The following RAB27A variants were observed in gnomAD, a reference collection of about 807,000 sequenced individuals.
The protein encoded by RAB27A is ras-related protein Rab-27A.
RAB27A carries 17 observed loss-of-function variants against 20.8 expected under a neutral mutation model. That is an observed-to-expected ratio of 0.82 (90% CI 0.56 to 1.23). The LOEUF (loss-of-function observed/expected upper bound fraction) is 1.23. Ranked by LOEUF, RAB27A falls within the 50% of genes most tolerant of loss-of-function variation. The pLI, the probability that RAB27A is intolerant of heterozygous loss-of-function variation, is 0.00. For missense variants in RAB27A, 277 were observed against 266.7 expected (o/e 1.04, Z -0.27); for synonymous variants, 85 against 92.8 (o/e 0.92, Z 0.48).
chr15:55,245,831 CG>C lies in RAB27A; in HGVS notation c.-22-10876del, dbSNP rs368962970. Among the ~76,000 whole-genome samples the C allele has an allele frequency of 7.9e-5, 12 of 152,158 alleles. No individual in the cohort carries two copies. In the East Asian group the frequency reaches 1.5e-3, roughly 20 times the overall value. On this transcript the variant is annotated intron_variant, in intron 2 of 6. Transcript: ENST00000336787. ...TTGAATTAAATATACATTTCTGGGC[CG>C]GGCATGGTGGCTCATGCCAGTAACT... is the stretch of plus-strand genomic sequence containing the variant.
intron 6 of RAB27A, among the ~76,000 whole-genome samples, chr15:55,219,915 A>C (rs1895483775): frequency 6.6e-6 from 1 of 152,202 alleles, no homozygotes; most frequent in African/African-American, 2.4e-5. Flanking sequence ...TAAGAGCTTC[A>C]TATTACAATT....
At chr15:55,318,447 G>A (rs1566944224) in intron 1 of RAB27A, among the ~76,000 whole-genome samples, 2 of 148,712 alleles carry the variant, frequency 1.3e-5, no homozygotes. Flanking sequence ...GCTCACGCCT[G>A]TAATCCCAAC....
chr15:55,223,903 G>A lies in RAB27A; in HGVS notation c.453C>T (p.Leu151=), dbSNP rs753732362. ...RVVKEEEAIA[L]AEKYGIPYFE... ...AAAATACTCACCCATATTTCTCTGCGAGTGCTATGGCTTCCTCCTCTTTCA... is the reference window on the plus strand; with the variant it reads ...AAAATACTCACCCATATTTCTCTGCAAGTGCTATGGCTTCCTCCTCTTTCA... Residue 151 remains leucine (L), a synonymous_variant, in exon 6 of 7, where the codon CTC becomes CTT. Coordinates refer to ENST00000336787, the MANE Select transcript of RAB27A (RefSeq NM_183235.3). The A allele has an allele frequency of 3.8e-5, 62 of 1,613,516 alleles. No individual in the cohort carries two copies. Among genetic ancestry groups the A allele is most frequent in the Non-Finnish European group, 4.8e-5 (57 of 1,179,892 alleles).
At chr15:55,264,324 T>G (rs1207036695) in intron 2 of RAB27A, among the ~76,000 whole-genome samples, 2 of 152,240 alleles carry the variant, frequency 1.3e-5, no homozygotes, top group Non-Finnish European at 2.9e-5. Context: ...GTACTGGGAT[T>G]ACTTTGGGTG....
chr15:55,312,500 T>C (rs879297778), intron 2 of RAB27A, among the ~76,000 whole-genome samples: 10 of 152,244 alleles, frequency 6.6e-5, no homozygotes, highest in Non-Finnish European at 4.4e-5. Context: ...TGCACCATTT[T>C]ACTTTCCAAC....
intron 6 of RAB27A, among the ~76,000 whole-genome samples, chr15:55,212,765 G>A (rs867317851): frequency 5.9e-5 from 9 of 152,126 alleles, no homozygotes; most frequent in African/African-American, 2.2e-4. Context: ...TCCTGACCTC[G>A]TGATCCACCC....
chr15:55,268,487 G>A (rs981986529), intron 2 of RAB27A, among the ~76,000 whole-genome samples: 3 of 152,196 alleles, frequency 2.0e-5, no homozygotes, highest in Admixed American at 6.5e-5. Flanking sequence ...CTCAGAGCAC[G>A]GGAACCCTTC....
At chr15:55,229,658 T>A (rs1443222658) in intron 4 of RAB27A, among the ~76,000 whole-genome samples, 6 of 149,810 alleles carry the variant, frequency 4.0e-5, no homozygotes, top group Non-Finnish European at 7.4e-5. Context: ...AGAATGAAAC[T>A]CCGCCCAAAA....
intron 2 of RAB27A, chr15:55,249,078 G>C (rs1352880887): frequency 6.6e-6 from 1 of 152,180 alleles, no homozygotes; most frequent in Non-Finnish European, 1.5e-5. Context: ...GCTGTTTATA[G>C]AATGGGGTGT....
At chr15:55,290,584 A>G (rs1898283098), upstream of RAB27A, among the ~76,000 whole-genome samples, 1 of 152,230 alleles carries the variant, frequency 6.6e-6, no homozygotes, top group Admixed American at 6.5e-5. Context: ...ATGTTAAGGA[A>G]CCGCCTCTGT....
chr15:55,257,088 T>A lies in RAB27A; in HGVS notation c.-23+13077A>T, dbSNP rs543375592. ...AAAGAGAACACCAAAGAATAAAGCC[T>A]AGGGGGCCAGGAGGCCAAAATAATG... is the stretch of plus-strand genomic sequence containing the variant. On this transcript the variant is annotated intron_variant, in intron 2 of 6. Transcript: ENST00000336787. 3.9e-3 allele frequency among the ~76,000 whole-genome samples: 600 copies of A among 152,162 alleles called. 1 individual carries two copies. Among genetic ancestry groups the A allele is most frequent in the Non-Finnish European group, 6.8e-3 (463 of 67,992 alleles).
intron 2 of RAB27A, among the ~76,000 whole-genome samples, chr15:55,303,063 G>A (rs878867467): frequency 6.3e-5 from 9 of 143,818 alleles, no homozygotes; most frequent in Admixed American, 1.4e-4. Context: ...CCGGCCAGCC[G>A]CGCCATCCGG....
chr15:55,303,006 G>A (rs1274514111), intron 2 of RAB27A, among the ~76,000 whole-genome samples: 2 of 144,022 alleles, frequency 1.4e-5, no homozygotes, highest in Admixed American at 6.7e-5. Context: ...CCCCCCGCCC[G>A]GCCAGCCGCC....
chr15:55,268,717 T>C (rs779805097), intron 2 of RAB27A, among the ~76,000 whole-genome samples: 7 of 152,208 alleles, frequency 4.6e-5, no homozygotes, highest in Non-Finnish European at 7.3e-5. Flanking sequence ...GTCCAGGCAC[T>C]GGGCTTAACA....
At chr15:55,300,100 A>G (rs559546049) in intron 2 of RAB27A, among the ~76,000 whole-genome samples, 136 of 152,192 alleles carry the variant, frequency 8.9e-4, no homozygotes, top group Non-Finnish European at 1.6e-3. Context: ...GATTACAGGC[A>G]TGAGCCACCG....
chr15:55,296,937 C>G (rs890329867), intron 2 of RAB27A, among the ~76,000 whole-genome samples: 3 of 152,014 alleles, frequency 2.0e-5, no homozygotes, highest in African/African-American at 7.3e-5. Context: ...TCCCAGGGCA[C>G]TGTCAACCTA....
At chr15:55,298,557 A>C (rs2054959242) in intron 2 of RAB27A, among the ~76,000 whole-genome samples, 1 of 152,188 alleles carries the variant, frequency 6.6e-6, no homozygotes, top group Admixed American at 6.5e-5. Flanking sequence ...ACTGGGGTGA[A>C]ATTAAATTTG....
intron 2 of RAB27A, among the ~76,000 whole-genome samples, chr15:55,241,117 T>C (rs1310426176): frequency 6.6e-6 from 1 of 152,188 alleles, no homozygotes; most frequent in Non-Finnish European, 1.5e-5. Flanking sequence ...GCAATGTTCT[T>C]TTCTTTCCTA....
At chr15:55,207,453 A>G (rs1475166432) in intron 6 of RAB27A, among the ~76,000 whole-genome samples, 1 of 152,150 alleles carries the variant, frequency 6.6e-6, no homozygotes, top group Non-Finnish European at 1.5e-5. Flanking sequence ...AGCCTTATCT[A>G]TTTATCCCAG....
Sources: allele counts gnomAD v4.1 joint callset (sites outside exome capture counted in the v4.1 genomes callset), GRCh38; gene constraint gnomAD v4.1.1; transcripts MANE v1.5; gene names NCBI Gene and HGNC (gene_info 2026-07-23, HGNC 2026-07-21).